The following NLGN1 variants were observed in gnomAD, a reference collection of about 807,000 sequenced individuals.
NLGN1 encodes the protein neuroligin-1.
NLGN1 carries 12 observed loss-of-function variants against 65.5 expected under a neutral mutation model. The ratio of observed to expected loss-of-function variants is 0.18; its 90% confidence interval spans 0.12 to 0.30. The LOEUF is 0.30. Among genes scored for constraint, NLGN1 ranks in the 10% least tolerant of loss-of-function variants. The pLI, the probability that NLGN1 is intolerant of heterozygous loss-of-function variation, is 1.00. For missense variants in NLGN1, 750 were observed against 1,007.1 expected (o/e 0.74, Z 3.46); for synonymous variants, 350 against 359.5 (o/e 0.97, Z 0.30).
At chr3:173,408,589 G>C (rs559334461) in intron 1 of NLGN1, among the ~76,000 whole-genome samples, 1 of 152,268 alleles carries the variant, frequency 6.6e-6, no homozygotes, top group Non-Finnish European at 1.5e-5. Flanking sequence ...CTATAGAACT[G>C]CGTAAACATG....
At chr3:173,711,439 T>A (rs906301329) in intron 3 of NLGN1, among the ~76,000 whole-genome samples, 1 of 151,882 alleles carries the variant, frequency 6.6e-6, no homozygotes, top group Admixed American at 6.6e-5. Flanking sequence ...TGTTGCAAAC[T>A]TGTTTCCTTA....
At chr3:174,038,518 T>C (rs902694319) in intron 4 of NLGN1, among the ~76,000 whole-genome samples, 5 of 152,194 alleles carry the variant, frequency 3.3e-5, no homozygotes, top group African/African-American at 9.7e-5. Flanking sequence ...TGGTGGTCTT[T>C]ACATCATCGA....
At chr3:173,692,175 GA>G (rs1479439700) in intron 3 of NLGN1, among the ~76,000 whole-genome samples, 1 of 151,944 alleles carries the variant, frequency 6.6e-6, no homozygotes, top group Non-Finnish European at 1.5e-5. Flanking sequence ...TTCTCAACTG[GA>G]AATCAATATT....
chr3:174,137,336 T>G (rs985921931), intron 4 of NLGN1, among the ~76,000 whole-genome samples: 5 of 152,174 alleles, frequency 3.3e-5, no homozygotes, highest in African/African-American at 9.6e-5. Context: ...TAAGGCTGTT[T>G]AAACCTTAAA....
At chr3:174,161,300 G>A (rs1346318592) in intron 4 of NLGN1, among the ~76,000 whole-genome samples, 1 of 151,742 alleles carries the variant, frequency 6.6e-6, no homozygotes, top group Non-Finnish European at 1.5e-5. Context: ...ACATGTCAGA[G>A]CTACAACATC....
intron 3 of NLGN1, among the ~76,000 whole-genome samples, chr3:173,635,268 G>A (rs1756397607): frequency 6.6e-6 from 1 of 152,088 alleles, no homozygotes; most frequent in African/African-American, 2.4e-5. Flanking sequence ...GTGACTCAGA[G>A]ATATTAAGTA....
At chr3:173,947,526 G>A (rs73184513) in intron 4 of NLGN1, among the ~76,000 whole-genome samples, 11 of 152,212 alleles carry the variant, frequency 7.2e-5, no homozygotes, top group Non-Finnish European at 1.2e-4. Context: ...CATATTAACC[G>A]TTATTTTTTA....
At chr3:174,211,229 G>T (rs1052464094) in intron 4 of NLGN1, among the ~76,000 whole-genome samples, 3 of 152,212 alleles carry the variant, frequency 2.0e-5, no homozygotes, top group African/African-American at 7.2e-5. Flanking sequence ...ACCCCAGCGG[G>T]TTGCCAATGC....
intron 4 of NLGN1, among the ~76,000 whole-genome samples, chr3:173,948,056 G>A (rs1003207465): frequency 1.1e-4 from 17 of 152,170 alleles, no homozygotes; most frequent in African/African-American, 3.6e-4. Flanking sequence ...TCTAAAGTTA[G>A]CATCAACATA....
chr3:173,450,931 C>T (rs1721385106), intron 2 of NLGN1, among the ~76,000 whole-genome samples: 1 of 152,204 alleles, frequency 6.6e-6, no homozygotes, highest in Non-Finnish European at 1.5e-5. Context: ...TTAAAGACTT[C>T]TCTGCATTGG....
chr3:173,435,993 T>C (rs1718070880), intron 2 of NLGN1, among the ~76,000 whole-genome samples: 1 of 152,198 alleles, frequency 6.6e-6, no homozygotes, highest in African/African-American at 2.4e-5. Context: ...TGACTCTCTG[T>C]TCTTTGTAAC....
chr3:173,694,560 G>T (rs1249492343), intron 3 of NLGN1, among the ~76,000 whole-genome samples: 3 of 152,128 alleles, frequency 2.0e-5, no homozygotes, highest in African/African-American at 7.2e-5. Context: ...GATTTTGTTT[G>T]TTTGTCAGAA....
At chr3:173,980,269 T>C (rs950074802) in intron 4 of NLGN1, among the ~76,000 whole-genome samples, 8 of 152,098 alleles carry the variant, frequency 5.3e-5, no homozygotes, top group African/African-American at 1.9e-4. Context: ...TTAATGTATG[T>C]TCTTTTTAAG....
At chr3:174,110,075 A>G (rs1253130493) in intron 4 of NLGN1, among the ~76,000 whole-genome samples, 1 of 151,960 alleles carries the variant, frequency 6.6e-6, no homozygotes, top group African/African-American at 2.4e-5. Context: ...TTAGAGTGGT[A>G]TACACTTGAT....
At chr3:173,586,503 C>G (rs1430217305) in intron 2 of NLGN1, among the ~76,000 whole-genome samples, 1 of 152,130 alleles carries the variant, frequency 6.6e-6, no homozygotes, top group Non-Finnish European at 1.5e-5. Flanking sequence ...TTTCTGAAAT[C>G]TAATTTTGAA....
intron 4 of NLGN1, among the ~76,000 whole-genome samples, chr3:174,064,067 G>C (rs1045087937): frequency 2.0e-5 from 3 of 151,928 alleles, no homozygotes; most frequent in Non-Finnish European, 4.4e-5. Flanking sequence ...GTTTGAACCC[G>C]GGAGGCAGAG....
chr3:173,862,397 T>C (rs1407066601), intron 4 of NLGN1, among the ~76,000 whole-genome samples: 3 of 148,132 alleles, frequency 2.0e-5, no homozygotes, highest in Non-Finnish European at 4.5e-5. Flanking sequence ...TCCCAGCTAC[T>C]TGGGAGGCTG....
chr3:173,668,065 T>C (rs1048145513), intron 3 of NLGN1, among the ~76,000 whole-genome samples: 1 of 152,214 alleles, frequency 6.6e-6, no homozygotes, highest in African/African-American at 2.4e-5. Flanking sequence ...GGATACAATG[T>C]GATTTCCTTA....
intron 4 of NLGN1, among the ~76,000 whole-genome samples, chr3:174,054,263 A>G (rs897599998): frequency 4.6e-5 from 7 of 152,086 alleles, no homozygotes; most frequent in African/African-American, 1.7e-4. Context: ...GACTTGGTGT[A>G]GTCCCAATTG....
Sources: gnomAD v4.1 joint callset for allele counts (sites outside exome capture counted in the v4.1 genomes callset) on GRCh38, gnomAD v4.1.1 for gene constraint, MANE v1.5 for transcripts, NCBI Gene and HGNC (gene_info 2026-07-23, HGNC 2026-07-21) for gene names.